Variants in CAMK1D observed in about 807,000 individuals in gnomAD.
The protein encoded by CAMK1D is calcium/calmodulin-dependent protein kinase type 1D.
In CAMK1D, 9 loss-of-function variants were observed where a neutral mutation model predicts 47.7. The observed-to-expected ratio is 0.19, with a 90% CI of 0.11 to 0.33. CAMK1D has a LOEUF of 0.33. Among genes scored for constraint, CAMK1D ranks in the 10% least tolerant of loss-of-function variants. CAMK1D has a pLI of 1.00. For synonymous variants in CAMK1D, 184 were observed against 184.9 expected (o/e 0.99, Z 0.04); for missense variants, 291 against 488.7 (o/e 0.60, Z 3.81).
rs1326288356 is a variant in CAMK1D at position 12,834,815 on chromosome 10, C to A, written c.*5928C>A. On this transcript the variant is annotated 3_prime_UTR_variant, in exon 11 of 11. Coordinates refer to ENST00000619168, the MANE Select transcript of CAMK1D (RefSeq NM_153498.4). ...AGGAAAATCTTAATCTAGACAGATT[C>A]AGATTCCCAGGCTCTCCTGGAAGCC... The A allele has an allele frequency of 6.6e-6, 1 of 152,292 alleles. No individual in the cohort carries two copies. The highest frequency in any genetic ancestry group is 2.1e-4 in the South Asian group (1 of 4,820). 9.4% of individuals were successfully genotyped at this position (152,292 alleles called of 1,614,324 possible).
At chr10:12,452,672 G>A (rs900183960) in intron 1 of CAMK1D, among the ~76,000 whole-genome samples, 1 of 151,640 alleles carries the variant, frequency 6.6e-6, no homozygotes, top group Non-Finnish European at 1.5e-5. Flanking sequence ...TGCAACCTCC[G>A]CCTCCTGGGT....
At chr10:12,529,436 T>C (rs1378432149) in intron 1 of CAMK1D, among the ~76,000 whole-genome samples, 1 of 152,212 alleles carries the variant, frequency 6.6e-6, no homozygotes, top group East Asian at 1.9e-4. Context: ...TTGGTACACT[T>C]TTCTGGGTGC....
chr10:12,379,371 C>A (rs531678220), intron 1 of CAMK1D, among the ~76,000 whole-genome samples: 1 of 152,028 alleles, frequency 6.6e-6, no homozygotes, highest in Admixed American at 6.5e-5. Context: ...TATTTAGGGT[C>A]GTGATGAGGT....
chr10:12,393,396 G>A (rs4747982), intron 1 of CAMK1D, among the ~76,000 whole-genome samples: 32,147 of 151,938 alleles, frequency 0.21, 3,845 homozygotes, highest in Middle Eastern at 0.32. Context: ...ATGGTGCTAG[G>A]CTCTCTGAGA....
At chr10:12,656,530 A>G (rs1158607954) in intron 2 of CAMK1D, among the ~76,000 whole-genome samples, 1 of 152,232 alleles carries the variant, frequency 6.6e-6, no homozygotes, top group Non-Finnish European at 1.5e-5. Flanking sequence ...CCATTTGTGC[A>G]CAAGGGTTTT....
At chr10:12,440,286 ATT>A (rs5783268) in intron 1 of CAMK1D, among the ~76,000 whole-genome samples, 10,825 of 135,546 alleles carry the variant, frequency 0.08, 407 homozygotes, top group Middle Eastern at 0.11. Flanking sequence ...GTCTTTTTGG[ATT>A]TTTTTTTTTT....
At chr10:12,662,613 C>A (rs1200319941) in intron 2 of CAMK1D, among the ~76,000 whole-genome samples, 2 of 149,800 alleles carry the variant, frequency 1.3e-5, no homozygotes, top group Admixed American at 6.7e-5. Flanking sequence ...GATTGCACCA[C>A]TGCACTCCAG....
chr10:12,391,385 C>T (rs1201799884), intron 1 of CAMK1D, among the ~76,000 whole-genome samples: 3 of 152,164 alleles, frequency 2.0e-5, no homozygotes, highest in African/African-American at 7.2e-5. Flanking sequence ...AGCAATCAAT[C>T]TTAGAAGCTT....
intron 1 of CAMK1D, among the ~76,000 whole-genome samples, chr10:12,519,236 C>CG (rs1218426837): frequency 1.5e-5 from 1 of 64,636 alleles, no homozygotes; most frequent in African/African-American, 6.3e-5. Context: ...GCTGGCCGGG[C>CG]GGGGGGCTGA....
At chr10:12,821,043 C>T (rs1832994257) in intron 8 of CAMK1D, among the ~76,000 whole-genome samples, 1 of 152,202 alleles carries the variant, frequency 6.6e-6, no homozygotes, top group African/African-American at 2.4e-5. Flanking sequence ...AGGATTTAAG[C>T]CTGTTTCCTG....
At chr10:12,365,481 C>G (rs1396590024) in intron 1 of CAMK1D, among the ~76,000 whole-genome samples, 1 of 152,068 alleles carries the variant, frequency 6.6e-6, no homozygotes, top group Non-Finnish European at 1.5e-5. Context: ...CTCTGTCGCC[C>G]AGGCTGGAGT....
chr10:12,497,758 A>G (rs1311707978), intron 1 of CAMK1D, among the ~76,000 whole-genome samples: 1 of 129,908 alleles, frequency 7.7e-6, no homozygotes, highest in Non-Finnish European at 1.7e-5. Context: ...ATTAGATTGG[A>G]AAGTCCAGAG....
chr10:12,655,389 A>G (rs1840090596), intron 2 of CAMK1D, among the ~76,000 whole-genome samples: 2 of 152,328 alleles, frequency 1.3e-5, no homozygotes, highest in South Asian at 2.1e-4. Context: ...TTGAAATTCA[A>G]GATGAGATTT....
intron 5 of CAMK1D, 75 bp downstream of exon 5, chr10:12,769,874 CTCA>C: frequency 1.3e-6 from 2 of 1,538,266 alleles, no homozygotes; most frequent in Non-Finnish European, 1.8e-6. Context: ...CACGTGTCAA[CTCA>C]TCAGTTGTGT....
intron 1 of CAMK1D, among the ~76,000 whole-genome samples, chr10:12,371,945 G>A (rs879440546): frequency 6.6e-6 from 1 of 152,108 alleles, no homozygotes; most frequent in South Asian, 2.1e-4. Flanking sequence ...GGGATTACAG[G>A]TGTGAGCCGT....
At chr10:12,409,421 G>C (rs1449222750) in intron 1 of CAMK1D, among the ~76,000 whole-genome samples, 1 of 152,216 alleles carries the variant, frequency 6.6e-6, no homozygotes, top group Non-Finnish European at 1.5e-5. Context: ...AGACAGGGTG[G>C]TCAGGAAGCC....
At chr10:12,822,816 A>G (rs1168193770) in intron 8 of CAMK1D, among the ~76,000 whole-genome samples, 1 of 151,842 alleles carries the variant, frequency 6.6e-6, no homozygotes, top group Non-Finnish European at 1.5e-5. Flanking sequence ...TTGTCTTGTT[A>G]CTCTTGTTTC....
chr10:12,473,340 A>G (rs1833805437), intron 1 of CAMK1D, among the ~76,000 whole-genome samples: 1 of 152,130 alleles, frequency 6.6e-6, no homozygotes, highest in South Asian at 2.1e-4. Context: ...AGGCTGAGGC[A>G]GGAGAATTGC....
At chr10:12,733,046 G>A (rs886456552) in intron 3 of CAMK1D, among the ~76,000 whole-genome samples, 8 of 152,296 alleles carry the variant, frequency 5.3e-5, no homozygotes, top group African/African-American at 1.4e-4. Flanking sequence ...TAGCAATTAC[G>A]ATACATACGA....
Sources: gnomAD v4.1 joint callset for allele counts (sites outside exome capture counted in the v4.1 genomes callset) on GRCh38, gnomAD v4.1.1 for gene constraint, MANE v1.5 for transcripts, NCBI Gene and HGNC (gene_info 2026-07-23, HGNC 2026-07-21) for gene names.